Variants in DCAF13 observed in about 807,000 individuals in gnomAD.
The protein encoded by DCAF13 is DDB1 and CUL4 associated factor 13, also known as DDB1- and CUL4-associated factor 13.
In DCAF13, 38 loss-of-function variants were observed where a neutral mutation model predicts 59.0. The observed-to-expected ratio is 0.64, with a 90% CI of 0.50 to 0.84. The LOEUF is 0.84. Ranked by LOEUF, DCAF13 falls within the 40% of genes least tolerant of loss-of-function variation. DCAF13 has a pLI of 0.00. For missense variants in DCAF13, 469 were observed against 558.4 expected, an observed-to-expected ratio of 0.84 and a Z score of 1.61; for synonymous variants, 173 against 175.0, an observed-to-expected ratio of 0.99 and a Z score of 0.09.
chr8:103,435,620 T>C lies in DCAF13; in HGVS notation c.786-6T>C, dbSNP rs374072300. The C allele has an allele frequency of 2.5e-5, 38 of 1,520,072 alleles. No individual in the cohort carries two copies. Among genetic ancestry groups the C allele is most frequent in the Non-Finnish European group, 3.1e-5 (35 of 1,133,736 alleles). 94.2% of individuals were successfully genotyped at this position (1,520,072 alleles called of 1,614,324 possible). ...ATGTGTCAAATATTTAAAAATTCTT[T>C]TACAGCTTATATACTTTTGATATGC... is the stretch of plus-strand genomic sequence containing the variant. On this transcript the variant is annotated splice_polypyrimidine_tract_variant and splice_region_variant and intron_variant, in intron 7 of 10. Transcript: ENST00000612750.
In DCAF13 at chr8:103,440,450, T is replaced by C. The variant is rs1288590590; in HGVS notation, c.1086+179T>C. On this transcript the variant is annotated intron_variant, in intron 9 of 10. Transcript: ENST00000612750. ...GATAATTATTTGCTTCATTCTGATC[T>C]ATTATTGTAGACACTGTACATTCAA... The C allele has an allele frequency of 2.6e-5, 13 of 502,366 alleles. No homozygotes were observed. In the East Asian group the frequency reaches 3.9e-4, roughly 15 times the overall value. 31.1% of individuals were successfully genotyped at this position (502,366 alleles called of 1,614,324 possible).
intron 3 of DCAF13, among the ~76,000 whole-genome samples, chr8:103,425,120 C>G (rs1017645586): frequency 6.6e-6 from 1 of 152,130 alleles, no homozygotes; most frequent in Non-Finnish European, 1.5e-5. Flanking sequence ...TCATACTCTT[C>G]CCTTAGATAA....
chr8:103,440,316 A>G (rs778820655), intron 9 of DCAF13, 45 bp downstream of exon 9: 3 of 1,433,944 alleles, frequency 2.1e-6, no homozygotes, highest in Non-Finnish European at 2.8e-6. Flanking sequence ...CTGATTTCTA[A>G]TTTTATTAGA....
At chr8:103,428,503 C>G (rs1177623412) in intron 5 of DCAF13, 3 of 152,114 alleles carry the variant, frequency 2.0e-5, no homozygotes, top group Non-Finnish European at 4.4e-5. Flanking sequence ...TTTCTGATTC[C>G]TGGTCTGGAG....
intron 3 of DCAF13, among the ~76,000 whole-genome samples, chr8:103,422,270 A>G (rs866076899): frequency 3.3e-5 from 5 of 152,254 alleles, no homozygotes; most frequent in Middle Eastern, 3.4e-3. Context: ...TCGAGTGAAG[A>G]TGTCTGTCAT....
rs13278059 is a variant in DCAF13, at chr8:103,415,425, T to G, written c.-22T>G. The G allele has an allele frequency of 6.2e-7, 1 of 1,613,044 alleles. No homozygotes were observed. Among genetic ancestry groups the G allele is most frequent in the South Asian group, 1.1e-5 (1 of 91,012 alleles). On this transcript the variant is annotated 5_prime_UTR_variant, in exon 1 of 11. Coordinates refer to ENST00000612750, the MANE Select transcript of DCAF13 (RefSeq NM_015420.7). ...AACTCCTAGCGGACACCTCGTGGAGTCCGGCCGGAAGAGCAACCGAGATGA... is the reference window on the plus strand; with the variant it reads ...AACTCCTAGCGGACACCTCGTGGAGGCCGGCCGGAAGAGCAACCGAGATGA...
chr8:103,434,162 T>C (rs1816902568), intron 7 of DCAF13, among the ~76,000 whole-genome samples: 1 of 152,090 alleles, frequency 6.6e-6, no homozygotes, highest in African/African-American at 2.4e-5. Flanking sequence ...TATTGCCCTT[T>C]AGATATTCTA....
At position 103,417,370 on chromosome 8, in the gene DCAF13, G is replaced by A. The variant is rs372003121; in HGVS notation, c.70+1854G>A. Among the ~76,000 whole-genome samples the A allele has an allele frequency of 2.2e-3, 342 of 152,084 alleles. 5 individuals are homozygous for A. Among genetic ancestry groups the A allele is most frequent in the African/African-American group, 7.6e-3 (317 of 41,508 alleles). ...AAAAAAAAGATCTTTGGCTGGGCGT[G>A]GTGGCTTATGCCTGTAATCCCAGCA... is the stretch of plus-strand genomic sequence containing the variant. On this transcript the variant is annotated intron_variant, in intron 1 of 10. Coordinates refer to ENST00000612750, the MANE Select transcript of DCAF13 (RefSeq NM_015420.7).
At position 103,420,443 on chromosome 8, in the gene DCAF13, T is replaced by C; in HGVS notation, c.250T>C (p.Ser84Pro). The change falls in exon 2 of 11, where the codon TCT becomes CCT. Residue 84 changes from serine (S) to proline (P), a missense_variant. Ser to Pro is a moderately conservative substitution (Grantham distance 74, BLOSUM62 -1). Around this residue, in one of 3 missense-constraint regions of DCAF13, gnomAD observed 355 missense variants for 399.1 expected, o/e 0.89. Coordinates refer to ENST00000612750, the MANE Select transcript of DCAF13 (RefSeq NM_015420.7). ...TCCAGAGAAGCTGGCTACTGTCCTT[T>C]CTGGGGCGTGTGATGGAGAGGCAAG... ...KHPEKLATVLSGACDGEVRIW... is the reference protein window; with the variant it reads ...KHPEKLATVLPGACDGEVRIW... 2 of 1,613,846 alleles carry C rather than the reference T, an allele frequency of 1.2e-6. No homozygotes were observed.
At position 103,442,829 on chromosome 8, in the gene DCAF13, T is replaced by A. The variant is rs371185840; in HGVS notation, c.1285T>A (p.Ser429Thr). Residue 429 changes from serine to threonine, a missense_variant, in exon 11 of 11, where the codon TCT becomes ACT. Ser to Thr is a moderately conservative substitution (Grantham distance 58). Around this residue, in one of 3 missense-constraint regions of DCAF13, gnomAD observed 84 missense variants for 92.3 expected, o/e 0.91. Transcript: ENST00000612750. ...TCGTATTAAACACAGCAAGCCTGGA[T>A]CTGTGCCACTTGTGTCAGAGAAGAA... Reference protein sequence around the residue: ...VNRIKHSKPGSVPLVSEKKKH... With the variant: ...VNRIKHSKPGTVPLVSEKKKH... 129 of 1,607,428 alleles carry A rather than the reference T, an allele frequency of 8.0e-5. No homozygotes were observed. Among genetic ancestry groups the A allele is most frequent in the Non-Finnish European group, 9.9e-5 (117 of 1,178,086 alleles).
intron 9 of DCAF13, chr8:103,441,253 G>A: frequency 2.1e-6 from 1 of 474,210 alleles, no homozygotes; most frequent in Non-Finnish European, 3.7e-6. Context: ...TATCTACATG[G>A]CGAGTGTGTT....
chr8:103,430,795 A>T (rs1816853541), intron 6 of DCAF13, 106 bp downstream of exon 6: 2 of 802,098 alleles, frequency 2.5e-6, no homozygotes, highest in Admixed American at 2.8e-5. Flanking sequence ...AATTAAAAAA[A>T]TCTTTTATAC....
At chr8:103,417,732 A>C (rs997748051) in intron 1 of DCAF13, among the ~76,000 whole-genome samples, 1 of 151,920 alleles carries the variant, frequency 6.6e-6, no homozygotes, top group African/African-American at 2.4e-5. Flanking sequence ...AAACTCTGTT[A>C]TTAATGGGGC....
At chr8:103,434,956 C>T (rs1209308413) in intron 7 of DCAF13, among the ~76,000 whole-genome samples, 1 of 151,948 alleles carries the variant, frequency 6.6e-6, no homozygotes, top group African/African-American at 2.4e-5. Flanking sequence ...TCAAATCAAG[C>T]CTAAAAATGC....
At chr8:103,435,923 G>A (rs1563506267) in intron 8 of DCAF13, 133 bp downstream of exon 8, 3 of 866,614 alleles carry the variant, frequency 3.5e-6, no homozygotes, top group East Asian at 2.6e-5. Flanking sequence ...AAACTAGATG[G>A]TATAACGTGT....
At chr8:103,437,529 C>T (rs1404032570) in intron 8 of DCAF13, among the ~76,000 whole-genome samples, 1 of 152,064 alleles carries the variant, frequency 6.6e-6, no homozygotes, top group Admixed American at 6.5e-5. Flanking sequence ...TATTTCATTT[C>T]TAAGAAATTG....
At chr8:103,415,758 T>C (rs527355367) in intron 1 of DCAF13, among the ~76,000 whole-genome samples, 30 of 152,188 alleles carry the variant, frequency 2.0e-4, no homozygotes, top group Non-Finnish European at 4.1e-4. Context: ...CAGTTGTCTA[T>C]AGTGGAGAAA....
intron 1 of DCAF13, among the ~76,000 whole-genome samples, chr8:103,419,901 C>A (rs570141122): frequency 6.6e-6 from 1 of 150,906 alleles, no homozygotes; most frequent in African/African-American, 2.4e-5. Flanking sequence ...CCCAGCTACT[C>A]GGGTGGCTGA....
chr8:103,417,894 A>C (rs945218419), intron 1 of DCAF13, among the ~76,000 whole-genome samples: 27 of 151,826 alleles, frequency 1.8e-4, no homozygotes, highest in African/African-American at 5.8e-4. Context: ...CCGAGGCGGG[A>C]AGATCACGAG....
Sources: gnomAD v4.1 joint callset for allele counts (sites outside exome capture counted in the v4.1 genomes callset) on GRCh38, gnomAD v4.1.1 for gene constraint, gnomAD v4.1.1 regional missense constraint, MANE v1.5 for transcripts, NCBI Gene and HGNC (gene_info 2026-07-23, HGNC 2026-07-21) for gene names.